Variants in PREX2 observed in about 807,000 individuals in gnomAD.
PREX2 encodes phosphatidylinositol-3,4,5-trisphosphate dependent Rac exchange factor 2.
A neutral mutation model predicts 203.2 loss-of-function variants in PREX2; 107 were observed. That is an observed-to-expected ratio of 0.53 (90% CI 0.45 to 0.62). The LOEUF (loss-of-function observed/expected upper bound fraction) is 0.62. Among genes scored for constraint, PREX2 ranks in the 20% least tolerant of loss-of-function variants. The probability of loss-of-function intolerance (pLI) is 0.00; values close to 1 mark genes in which losing one functional copy is unlikely to be tolerated. For missense variants in PREX2, 1,777 were observed against 1,955.9 expected, an observed-to-expected ratio of 0.91 and a Z score of 1.72; for synonymous variants, 672 against 663.6, an observed-to-expected ratio of 1.01 and a Z score of -0.19.
rs745333107 is a variant in PREX2 at position 68,022,147 on chromosome 8, G to A, written c.441+7G>A. 7.6e-7 allele frequency: 1 copy of A among 1,311,380 alleles called. No homozygotes were observed. The allele number at this position is 1,311,380 out of a possible 1,614,324, so 81.2% of individuals were successfully genotyped here. On this transcript the variant is annotated splice_region_variant and intron_variant, in intron 4 of 39. Coordinates refer to ENST00000288368, the MANE Select transcript of PREX2 (RefSeq NM_024870.4). Reference sequence around the variant, plus strand: ...AATCCGGACATTTCTTTTGGTAAGTGTATATTTATGTGTTACTGTATGTTG... The same window carrying A: ...AATCCGGACATTTCTTTTGGTAAGTATATATTTATGTGTTACTGTATGTTG...
At chr8:67,965,340 G>A (rs1805737045) in intron 1 of PREX2, among the ~76,000 whole-genome samples, 1 of 152,126 alleles carries the variant, frequency 6.6e-6, no homozygotes, top group African/African-American at 2.4e-5. Context: ...TTGGATCTCT[G>A]TGTATTTACA....
chr8:68,104,692 C>A (rs1264255807), intron 23 of PREX2, among the ~76,000 whole-genome samples: 1 of 152,184 alleles, frequency 6.6e-6, no homozygotes, highest in Non-Finnish European at 1.5e-5. Flanking sequence ...TCACTGTTGA[C>A]CTCTCCTCTC....
chr8:68,216,257 C>T (rs531327524), intron 37 of PREX2, among the ~76,000 whole-genome samples: 1 of 152,310 alleles, frequency 6.6e-6, no homozygotes, highest in South Asian at 2.1e-4. Context: ...CCAAGAACTT[C>T]TGTGTTACAG....
intron 9 of PREX2, among the ~76,000 whole-genome samples, chr8:68,055,225 A>G (rs1456250812): frequency 6.6e-6 from 1 of 152,184 alleles, no homozygotes; most frequent in Non-Finnish European, 1.5e-5. Flanking sequence ...AATGAAATAA[A>G]TTGAAACTGC....
In PREX2 at chr8:68,185,777, C is replaced by T. The variant is rs1010114733; in HGVS notation, c.4347-5945C>T. On this transcript the variant is annotated intron_variant, in intron 35 of 39. Coordinates refer to ENST00000288368, the MANE Select transcript of PREX2 (RefSeq NM_024870.4). ...TATTTTACATGGCAGAGTTAACTGA[C>T]GAAGTTATGACAGTGAGGCCTGCTG... 5.4e-5 allele frequency among the ~76,000 whole-genome samples: 8 copies of T among 148,956 alleles called. 1 individual carries two copies. The highest frequency in any genetic ancestry group is 1.0e-4 in the Non-Finnish European group (7 of 67,158).
At chr8:68,022,781 C>T (rs1807608471) in intron 4 of PREX2, among the ~76,000 whole-genome samples, 2 of 152,028 alleles carry the variant, frequency 1.3e-5, no homozygotes, top group Non-Finnish European at 1.5e-5. Flanking sequence ...TGTCCCTTTA[C>T]AGCCTATCTC....
At chr8:68,114,535 A>G (rs148102933) in intron 25 of PREX2, among the ~76,000 whole-genome samples, 1 of 152,130 alleles carries the variant, frequency 6.6e-6, no homozygotes, top group Admixed American at 6.6e-5. Context: ...TTTTTGCCTA[A>G]TTTTGAGTTA....
chr8:67,955,209 C>A (rs920012882), intron 1 of PREX2, among the ~76,000 whole-genome samples: 20 of 146,690 alleles, frequency 1.4e-4, no homozygotes, highest in South Asian at 9.0e-4. Flanking sequence ...TTTCTAAAAT[C>A]TTTCCTATTT....
intron 37 of PREX2, among the ~76,000 whole-genome samples, chr8:68,198,819 A>G (rs1812448250): frequency 6.6e-6 from 1 of 152,220 alleles, no homozygotes; most frequent in Non-Finnish European, 1.5e-5. Flanking sequence ...GACTTGTTCC[A>G]GAGAGTTTTT....
At chr8:68,050,615 T>C (rs1468734438) in intron 8 of PREX2, among the ~76,000 whole-genome samples, 3 of 152,164 alleles carry the variant, frequency 2.0e-5, no homozygotes, top group Non-Finnish European at 4.4e-5. Context: ...ATTAGTAGAT[T>C]TGACAGTCAG....
At position 68,022,035 on chromosome 8, in the gene PREX2, GA is replaced by G. The variant is rs779285424; in HGVS notation, c.339del (p.Asp114ThrfsTer26). On this transcript the variant is annotated frameshift_variant and splice_region_variant, in exon 4 of 40. Coordinates refer to ENST00000288368, the MANE Select transcript of PREX2 (RefSeq NM_024870.4). LOFTEE classifies it high-confidence loss of function. ...QEVGTCFLHF[K>X]DKFRIYDEYC... ...TAATTTATTCTTACATGAATTCACAGAAAGACAAGTTTCGTATCTATGATGA... is the reference window on the plus strand; with the variant it reads ...TAATTTATTCTTACATGAATTCACAGAAGACAAGTTTCGTATCTATGATGA... 10 of 1,401,136 alleles carry G rather than the reference GA, an allele frequency of 7.1e-6. No homozygotes were observed. In the Admixed American group the frequency reaches 1.5e-4, roughly 21 times the overall value. 86.8% of individuals were successfully genotyped at this position (1,401,136 alleles called of 1,614,324 possible). A position where few individuals can be genotyped will look rare whatever the true frequency, so the allele number is the denominator to read the frequency against.
chr8:67,983,672 C>A (rs1373577904), intron 1 of PREX2, among the ~76,000 whole-genome samples: 1 of 152,202 alleles, frequency 6.6e-6, no homozygotes, highest in Non-Finnish European at 1.5e-5. Context: ...GAAATTTTTG[C>A]TCCAGAATTG....
intron 32 of PREX2, among the ~76,000 whole-genome samples, chr8:68,134,843 C>T (rs1325569647): frequency 6.6e-6 from 1 of 152,162 alleles, no homozygotes; most frequent in Non-Finnish European, 1.5e-5. Flanking sequence ...TGGGTTTCCA[C>T]AGTGGATATG....
rs1807504023 is a variant in PREX2 at position 68,019,538 on chromosome 8, T to A, written c.214-11T>A. The stretch of plus-strand genomic sequence containing the variant: ...ACTACTGAGCTTACTTACACATTTG[T>A]TTATTTACAGATGTTGTTCTCAAAC... On this transcript the variant is annotated splice_polypyrimidine_tract_variant and intron_variant, in intron 2 of 39. Coordinates refer to ENST00000288368, the MANE Select transcript of PREX2 (RefSeq NM_024870.4). 2 of 1,601,266 alleles carry A rather than the reference T, an allele frequency of 1.2e-6. No individual in the cohort carries two copies. Among genetic ancestry groups the A allele is most frequent in the Admixed American group, 1.7e-5 (1 of 57,678 alleles).
chr8:68,040,073 G>A (rs1458137740), intron 7 of PREX2, among the ~76,000 whole-genome samples: 8 of 152,108 alleles, frequency 5.3e-5, no homozygotes, highest in African/African-American at 2.4e-5. Flanking sequence ...TGACCAGGCA[G>A]GATAGAGTGC....
At chr8:67,991,484 T>C (rs1378673366) in intron 1 of PREX2, among the ~76,000 whole-genome samples, 1 of 151,892 alleles carries the variant, frequency 6.6e-6, no homozygotes, top group Non-Finnish European at 1.5e-5. Context: ...TGGCGGAAGG[T>C]AAAGGGGAAG....
At chr8:67,999,679 G>C (rs10156262) in intron 1 of PREX2, among the ~76,000 whole-genome samples, 104,206 of 151,834 alleles carry the variant, frequency 0.69, 35,988 homozygotes, top group South Asian at 0.81. Context: ...AACTTCAGGC[G>C]CATATTCTTG....
intron 35 of PREX2, among the ~76,000 whole-genome samples, chr8:68,167,429 G>A (rs1811786203): frequency 6.6e-6 from 1 of 151,738 alleles, no homozygotes; most frequent in Non-Finnish European, 1.5e-5. Context: ...TGCCTCCCAG[G>A]TTCAAGCTAT....
intron 1 of PREX2, among the ~76,000 whole-genome samples, chr8:67,954,817 C>T (rs1310016100): frequency 6.6e-6 from 1 of 152,062 alleles, no homozygotes; most frequent in African/African-American, 2.4e-5. Context: ...CTACTAAGAA[C>T]ATATTTTTAC....
Sources: allele counts gnomAD v4.1 joint callset (sites outside exome capture counted in the v4.1 genomes callset), GRCh38; gene constraint gnomAD v4.1.1; transcripts MANE v1.5; gene names NCBI Gene and HGNC (gene_info 2026-07-23, HGNC 2026-07-21).